The following IQSEC1 variants were observed in gnomAD, a reference collection of about 807,000 sequenced individuals.
IQSEC1 encodes the protein IQ motif and SEC7 domain-containing protein 1.
In IQSEC1, 31 loss-of-function variants were observed where a neutral mutation model predicts 91.0. The ratio of observed to expected loss-of-function variants is 0.34; its 90% CI spans 0.26 to 0.46. The LOEUF is 0.46. Among genes scored for constraint, IQSEC1 ranks in the 20% least tolerant of loss-of-function variants. IQSEC1 has a pLI of 1.00. For synonymous variants in IQSEC1, 699 were observed against 662.6 expected (o/e 1.05, Z -0.84); for missense variants, 1,388 against 1,575.6 (o/e 0.88, Z 2.02).
At chr3:13,062,618 T>G (rs1705102328) in intron 1 of IQSEC1, among the ~76,000 whole-genome samples, 1 of 152,102 alleles carries the variant, frequency 6.6e-6, no homozygotes, top group Non-Finnish European at 1.5e-5. Flanking sequence ...GCCTGACCTC[T>G]CTGCAGCCCA....
chr3:13,160,553 A>AT lies in IQSEC1; in HGVS notation c.302+3550dup, dbSNP rs963952721. Among the ~76,000 whole-genome samples the AT allele has an allele frequency of 7.2e-5, 11 of 152,150 alleles. No individual in the cohort carries two copies. In the East Asian group the frequency reaches 9.6e-4, roughly 13 times the overall value. ...ATAAAATCCATACACAGCTTCACTG[A>AT]TTTTTCAAGTGCAGAATCTCTGCCC... On this transcript the variant is annotated intron_variant, in intron 2 of 15. Coordinates refer to the IQSEC1 transcript ENST00000648114.
At chr3:13,043,616 G>A (rs1238147211) in intron 1 of IQSEC1, among the ~76,000 whole-genome samples, 1 of 152,138 alleles carries the variant, frequency 6.6e-6, no homozygotes, top group Non-Finnish European at 1.5e-5. Flanking sequence ...CCTCTGAAAG[G>A]ATCCTGCTTT....
chr3:12,999,865 A>T (rs530818245), intron 1 of IQSEC1, among the ~76,000 whole-genome samples: 11 of 152,286 alleles, frequency 7.2e-5, no homozygotes, highest in African/African-American at 2.4e-4. Context: ...ATTGTCCCTT[A>T]TCAAAGTAAT....
In IQSEC1 at chr3:12,979,708, C is replaced by T. The variant is rs373743526; in HGVS notation, c.24-37843G>A. Among the ~76,000 whole-genome samples the T allele has an allele frequency of 4.6e-5, 7 of 152,254 alleles. No individual in the cohort carries two copies. The East Asian group carries it at 9.7e-4, about 21-fold the overall frequency. On this transcript the variant is annotated intron_variant, in intron 1 of 13. Coordinates refer to ENST00000613206, the MANE Select transcript of IQSEC1 (RefSeq NM_001134382.3). The surrounding 1 kb of genome is among the most constrained non-coding windows in gnomAD (Gnocchi z 4.3). ...AGACATTAAAGGTCTGTCAGCATGC[C>T]GACCCTCCTGTCTGATGTCATCAGA...
At chr3:13,017,704 G>T (rs149475546) in intron 1 of IQSEC1, among the ~76,000 whole-genome samples, 2,960 of 152,304 alleles carry the variant, frequency 0.019, 52 homozygotes, top group Non-Finnish European at 0.027. Context: ...GATGCAGGGA[G>T]AGGGGGCGGC....
In IQSEC1 at chr3:13,059,723, C is replaced by A. The variant is rs528112523; in HGVS notation, c.23+13269G>T. Among the ~76,000 whole-genome samples the A allele has an allele frequency of 5.9e-5, 9 of 152,196 alleles. No homozygotes were observed. The South Asian group carries it at 1.7e-3, about 28-fold the overall frequency. ...CTGAGATTGGGCCACTACACTCCAG[C>A]CTGGGTGACAGAGCAAGACCCTATC... is the stretch of plus-strand genomic sequence containing the variant. On this transcript the variant is annotated intron_variant, in intron 1 of 13. Coordinates refer to ENST00000613206, the MANE Select transcript of IQSEC1 (RefSeq NM_001134382.3).
chr3:12,918,075 G>C (rs1045858478), intron 6 of IQSEC1, among the ~76,000 whole-genome samples: 4 of 152,230 alleles, frequency 2.6e-5, no homozygotes, highest in Non-Finnish European at 5.9e-5. Context: ...GGAGTCCAGG[G>C]ACCTGCCTGG....
intron 1 of IQSEC1, among the ~76,000 whole-genome samples, chr3:13,029,932 T>C (rs1219114119): frequency 6.6e-6 from 1 of 152,218 alleles, no homozygotes; most frequent in Non-Finnish European, 1.5e-5. Flanking sequence ...CTTTCCTCCA[T>C]TCCCAGACCA....
At chr3:12,914,834 C>T (rs568511837) in intron 8 of IQSEC1, among the ~76,000 whole-genome samples, 2 of 152,038 alleles carry the variant, frequency 1.3e-5, no homozygotes, top group Admixed American at 6.5e-5. Flanking sequence ...GAGGACACAC[C>T]GGGGTCTGTT....
In IQSEC1 at chr3:12,899,983, A is replaced by T. The variant is rs1651178913; in HGVS notation, c.*1000T>A. 1 of 984,998 alleles carries T rather than the reference A, an allele frequency of 1.0e-6. No homozygotes were observed. Among genetic ancestry groups the T allele is most frequent in the African/African-American group, 1.7e-5 (1 of 57,214 alleles). The allele number at this position is 984,998 out of a possible 1,614,324, so 61.0% of individuals were successfully genotyped here. On this transcript the variant is annotated 3_prime_UTR_variant, in exon 14 of 14. Transcript: ENST00000613206. ...CGCATAAAAGAAACATGGATCATGGAGAGTCACAGTTATCGCAGCCATTAA... is the reference window on the plus strand; with the variant it reads ...CGCATAAAAGAAACATGGATCATGGTGAGTCACAGTTATCGCAGCCATTAA...
intron 2 of IQSEC1, among the ~76,000 whole-genome samples, chr3:13,119,827 T>C (rs373831953): frequency 2.6e-5 from 4 of 151,918 alleles, no homozygotes; most frequent in African/African-American, 7.3e-5. Flanking sequence ...TTTTGTTACA[T>C]GGCACTGTCT....
Position 12,899,135 on chromosome 3 carries a change from C to A in IQSEC1, c.*1848G>T, listed in dbSNP as rs994835000. 1.9e-5 allele frequency: 10 copies of A among 540,408 alleles called. No individual in the cohort carries two copies. Among genetic ancestry groups the A allele is most frequent in the Non-Finnish European group, 3.0e-5 (9 of 300,526 alleles). The allele number at this position is 540,408 out of a possible 1,614,324, so 33.5% of individuals were successfully genotyped here. The stretch of plus-strand genomic sequence containing the variant: ...TGCTTGGTTTGCAGATTTGCTGGTA[C>A]GGTGATCTCAATGATATGACCGAGG... On this transcript the variant is annotated 3_prime_UTR_variant, in exon 14 of 14. Transcript: ENST00000613206.
At position 12,953,419 on chromosome 3, in the gene IQSEC1, C is replaced by T. The variant is rs1001191618; in HGVS notation, c.24-11554G>A. On this transcript the variant is annotated intron_variant, in intron 1 of 13. Transcript: ENST00000613206. The stretch of plus-strand genomic sequence containing the variant: ...TGCCCTGCTGAGGCCCGATAAGGCC[C>T]GGCCCAGGTCCGCCTCAGGCTGCAG... Among the ~76,000 whole-genome samples the T allele has an allele frequency of 3.3e-5, 5 of 152,352 alleles. No homozygotes were observed. In the South Asian group the frequency reaches 6.2e-4, roughly 19 times the overall value.
At chr3:12,978,998 G>A (rs911815914) in intron 1 of IQSEC1, among the ~76,000 whole-genome samples, 1 of 152,206 alleles carries the variant, frequency 6.6e-6, no homozygotes, top group Admixed American at 6.5e-5. Context: ...TCTACATGGG[G>A]CATGAAGTGT....
chr3:13,084,721 G>C (rs547496100), intron 2 of IQSEC1, among the ~76,000 whole-genome samples: 1 of 152,188 alleles, frequency 6.6e-6, no homozygotes, highest in East Asian at 1.9e-4. Context: ...AACCGACTCA[G>C]CTCACCAGAA....
chr3:13,180,412 A>G (rs1345443857), intron 1 of IQSEC1, among the ~76,000 whole-genome samples: 6 of 151,904 alleles, frequency 3.9e-5, no homozygotes, highest in Admixed American at 6.6e-5. Flanking sequence ...GACGTGGAGA[A>G]CCTTTATGTC....
intron 3 of IQSEC1, among the ~76,000 whole-genome samples, chr3:12,931,691 G>A (rs1385670425): frequency 1.3e-5 from 2 of 152,164 alleles, no homozygotes; most frequent in East Asian, 1.9e-4. Flanking sequence ...AAACAGCCAC[G>A]CTCCCTGCAG....
chr3:13,045,621 G>A (rs1241647754), intron 1 of IQSEC1, among the ~76,000 whole-genome samples: 1 of 152,230 alleles, frequency 6.6e-6, no homozygotes, highest in Non-Finnish European at 1.5e-5. Flanking sequence ...ACACATCCTA[G>A]AACAAAGAGC....
At chr3:13,253,134 G>T (rs1304379344) in intron 1 of IQSEC1, among the ~76,000 whole-genome samples, 1 of 152,212 alleles carries the variant, frequency 6.6e-6, no homozygotes, top group Non-Finnish European at 1.5e-5. Context: ...AGCAGGACAA[G>T]AAAGTCTTTA....
Sources: allele counts gnomAD v4.1 joint callset (sites outside exome capture counted in the v4.1 genomes callset), GRCh38; gene constraint gnomAD v4.1.1; non-coding constraint Gnocchi (gnomAD v3.1); transcripts MANE v1.5; gene names NCBI Gene and HGNC (gene_info 2026-07-23, HGNC 2026-07-21).